Variants in CLEC2D observed in about 807,000 individuals in gnomAD.
CLEC2D encodes C-type lectin related f.
A neutral mutation model predicts 20.0 loss-of-function variants in CLEC2D; 16 were observed. The observed-to-expected ratio is 0.80, with a 90% CI of 0.54 to 1.22. The LOEUF is 1.22. Among genes scored for constraint, CLEC2D ranks in the 50% most tolerant of loss-of-function variants. The pLI is 0.00. For missense variants in CLEC2D, 207 were observed against 221.5 expected (o/e 0.93, Z 0.42); for synonymous variants, 77 against 71.1 (o/e 1.08, Z -0.42).
intron 4 of CLEC2D, chr12:9,693,346 A>C (rs1865907673): frequency 5.4e-6 from 2 of 368,338 alleles, no homozygotes; most frequent in Non-Finnish European, 9.7e-6. Context: ...AAAATAAGAC[A>C]ATAGTTTTAA....
In CLEC2D at chr12:9,696,175, T is replaced by C. The variant is rs933040684; in HGVS notation, c.*1301T>C. On this transcript the variant is annotated 3_prime_UTR_variant, in exon 5 of 5. Coordinates refer to ENST00000290855, the MANE Select transcript of CLEC2D (RefSeq NM_013269.6). ...CATCAATTATGTGAAGAATTTCTTC[T>C]GGATGACTGACCAAGAGGCTATTCA... 1.2e-5 allele frequency: 10 copies of C among 868,510 alleles called. No individual in the cohort carries two copies. The highest frequency in any genetic ancestry group is 1.6e-5 in the African/African-American group (1 of 61,120). 53.8% of individuals were successfully genotyped at this position (868,510 alleles called of 1,614,324 possible).
intron 4 of CLEC2D, 121 bp from the exon 5 acceptor site, chr12:9,694,639 G>T: frequency 1.5e-6 from 1 of 658,904 alleles, no homozygotes. Flanking sequence ...CACTACACAA[G>T]GAAAAACAGC....
intron 1 of CLEC2D, among the ~76,000 whole-genome samples, chr12:9,671,381 C>G (rs536729971): frequency 3.3e-5 from 5 of 152,122 alleles, no homozygotes; most frequent in African/African-American, 9.7e-5. Context: ...CCACCACGCC[C>G]GGCTACTTTT....
At position 9,694,700 on chromosome 12, in the gene CLEC2D, A is replaced by G. The variant is rs920407422; in HGVS notation, c.462-60A>G. On this transcript the variant is annotated intron_variant, in intron 4 of 4. Transcript: ENST00000290855. Reference sequence around the variant, plus strand: ...TTAGTTTTCTCATTTTCTCATCTTCATTCTCTCTGCTGTTGAAGAAATGTT... The same window carrying G: ...TTAGTTTTCTCATTTTCTCATCTTCGTTCTCTCTGCTGTTGAAGAAATGTT... The G allele has an allele frequency of 4.5e-6, 4 of 894,764 alleles. No individual in the cohort carries two copies. In the African/African-American group the frequency reaches 4.9e-5, roughly 11 times the overall value. 55.4% of individuals were successfully genotyped at this position (894,764 alleles called of 1,614,324 possible).
Position 9,699,496 on chromosome 12 carries a change from A to G in CLEC2D, c.*4622A>G, listed in dbSNP as rs1242996967. ...GAAAAGGTTGCACAATATTATTTTC[A>G]TGAAATTACTTCTAGTATAATTCTG... is the stretch of plus-strand genomic sequence containing the variant. On this transcript the variant is annotated 3_prime_UTR_variant, in exon 5 of 5. Transcript: ENST00000290855. 6.6e-6 allele frequency: 1 copy of G among 152,166 alleles called. No homozygotes were observed. Among genetic ancestry groups the G allele is most frequent in the South Asian group, 2.1e-4 (1 of 4,836 alleles). The allele number at this position is 152,166 out of a possible 1,614,324, so 9.4% of individuals were successfully genotyped here. A position where few individuals can be genotyped will look rare whatever the true frequency, so the allele number is the denominator to read the frequency against.
intron 1 of CLEC2D, among the ~76,000 whole-genome samples, chr12:9,677,305 G>A (rs1249733023): frequency 6.6e-6 from 1 of 151,816 alleles, no homozygotes; most frequent in Non-Finnish European, 1.5e-5. Context: ...TTGTTAAGCT[G>A]TATTTTCATT....
chr12:9,686,652 G>A (rs1865755280), intron 2 of CLEC2D, among the ~76,000 whole-genome samples: 1 of 152,140 alleles, frequency 6.6e-6, no homozygotes, highest in African/African-American at 2.4e-5. Flanking sequence ...CAGAACCATT[G>A]AGTTGAAGGT....
rs1866006551 is a variant in CLEC2D at position 9,696,858 on chromosome 12, GA to G, written c.*1985del. 6.6e-6 allele frequency: 1 copy of G among 152,000 alleles called. No individual in the cohort carries two copies. Among genetic ancestry groups the G allele is most frequent in the Admixed American group, 6.6e-5 (1 of 15,244 alleles). The allele number at this position is 152,000 out of a possible 1,614,324, so 9.4% of individuals were successfully genotyped here. A position where few individuals can be genotyped will look rare whatever the true frequency, so the allele number is the denominator to read the frequency against. Reference sequence around the variant, plus strand: ...ATATGAGCCAGCAATCCCTTTTCCAGATATACACCCAAAGGAAATGAAATCA... The same window carrying G: ...ATATGAGCCAGCAATCCCTTTTCCAGTATACACCCAAAGGAAATGAAATCA... On this transcript the variant is annotated 3_prime_UTR_variant, in exon 5 of 5. Transcript: ENST00000290855.
chr12:9,678,216 C>T (rs1006909818), intron 1 of CLEC2D, among the ~76,000 whole-genome samples: 1 of 152,232 alleles, frequency 6.6e-6, no homozygotes, highest in Middle Eastern at 3.4e-3. Context: ...TACCATTATG[C>T]AATGCTTTTC....
At chr12:9,693,158 G>A in intron 4 of CLEC2D, 2 of 1,384,904 alleles carry the variant, frequency 1.4e-6, no homozygotes, top group Non-Finnish European at 2.1e-6. Flanking sequence ...GCTTATCTAT[G>A]TCATTTTCAA....
chr12:9,693,969 CTTTTTTTT>C (rs67746754), intron 4 of CLEC2D: 45 of 63,662 alleles, frequency 7.1e-4, no homozygotes, highest in East Asian at 1.2e-3. Flanking sequence ...CCTTGCTTGG[CTTTTTTTT>C]TTTTTTTTTT....
At chr12:9,671,274 A>T (rs1174464621) in intron 1 of CLEC2D, among the ~76,000 whole-genome samples, 1 of 152,162 alleles carries the variant, frequency 6.6e-6, no homozygotes, top group African/African-American at 2.4e-5. Context: ...CCCAGGCTGG[A>T]GTGCAGTGGC....
At chr12:9,680,209 C>T (rs747067270) in intron 1 of CLEC2D, 130 of 333,228 alleles carry the variant, frequency 3.9e-4, no homozygotes, top group Non-Finnish European at 1.0e-4. Flanking sequence ...TCTCCTGCTG[C>T]CATGTGAAGA....
At chr12:9,688,190 ATTTTTTTTTTT>A (rs71045286) in intron 3 of CLEC2D, 104 bp downstream of exon 3, 109 of 787,060 alleles carry the variant, frequency 1.4e-4, no homozygotes, top group African/African-American at 1.4e-3. Flanking sequence ...TTTTACATTG[ATTTTTTTTTTT>A]TTTTTTTTTT....
chr12:9,670,606 G>A (rs1865398553), intron 1 of CLEC2D, among the ~76,000 whole-genome samples: 2 of 152,180 alleles, frequency 1.3e-5, no homozygotes, highest in African/African-American at 4.8e-5. Flanking sequence ...CATGGAAGTT[G>A]ACATTTTCGT....
intron 4 of CLEC2D, among the ~76,000 whole-genome samples, chr12:9,694,454 A>C (rs1373020409): frequency 6.6e-6 from 1 of 152,186 alleles, no homozygotes; most frequent in Non-Finnish European, 1.5e-5. Context: ...ATATTGGGAA[A>C]CTGTGTAAAG....
chr12:9,681,361 C>T (rs1450360776), intron 2 of CLEC2D, among the ~76,000 whole-genome samples: 3 of 152,006 alleles, frequency 2.0e-5, no homozygotes, highest in Non-Finnish European at 4.4e-5. Context: ...ATTTTACCTC[C>T]ACAACAACCT....
chr12:9,695,765 A>C lies in CLEC2D; in HGVS notation c.*891A>C. ...AAGGAAGGTGCAGAGTCAGAAGATGAAGAAGAGGAGGATGTGAAACTCTTA... is the reference window on the plus strand; with the variant it reads ...AAGGAAGGTGCAGAGTCAGAAGATGCAGAAGAGGAGGATGTGAAACTCTTA... On this transcript the variant is annotated 3_prime_UTR_variant, in exon 5 of 5. Transcript: ENST00000290855. 7.2e-7 allele frequency: 1 copy of C among 1,388,748 alleles called. No homozygotes were observed. The highest frequency in any genetic ancestry group is 1.0e-6 in the Non-Finnish European group (1 of 987,204). 86.0% of individuals were successfully genotyped at this position (1,388,748 alleles called of 1,614,324 possible).
chr12:9,671,369 C>T (rs962604992), intron 1 of CLEC2D, among the ~76,000 whole-genome samples: 2 of 152,124 alleles, frequency 1.3e-5, no homozygotes, highest in East Asian at 1.9e-4. Context: ...TACAGGCGCC[C>T]GCCACCACGC....
Sources: gnomAD v4.1 joint callset for allele counts (sites outside exome capture counted in the v4.1 genomes callset) on GRCh38, gnomAD v4.1.1 for gene constraint, MANE v1.5 for transcripts, NCBI Gene and HGNC (gene_info 2026-07-23, HGNC 2026-07-21) for gene names.